The following GSTA4 variants were observed in gnomAD, a reference collection of about 807,000 sequenced individuals.
GSTA4 encodes the protein glutathione S-transferase alpha 4.
GSTA4 carries 15 observed loss-of-function variants against 24.4 expected under a neutral mutation model. That is an observed-to-expected ratio of 0.61 (90% CI 0.41 to 0.95). GSTA4 has a LOEUF of 0.95. Ranked by LOEUF, GSTA4 falls within the 40% of genes least tolerant of loss-of-function variation. The probability of loss-of-function intolerance (pLI) is 0.00; values close to 1 mark genes in which losing one functional copy is unlikely to be tolerated. For missense variants in GSTA4, 244 were observed against 262.1 expected (o/e 0.93, Z 0.48); for synonymous variants, 92 against 94.2 (o/e 0.98, Z 0.13).
At chr6:52,981,161 T>G (rs770482731) in intron 6 of GSTA4, among the ~76,000 whole-genome samples, 19 of 152,244 alleles carry the variant, frequency 1.2e-4, no homozygotes, top group Admixed American at 3.3e-4. Context: ...GGTGGTTTAT[T>G]GCCTTGTTGA....
chr6:52,982,766 T>G lies in GSTA4; in HGVS notation c.415-61A>C. On this transcript the variant is annotated intron_variant, in intron 5 of 6. Transcript: ENST00000370963. ...CACATGGAGAGAGTGATGAGGCTAT[T>G]GAATCAGTGCAGTATCTGAGAAGAG... 4.0e-6 allele frequency: 5 copies of G among 1,263,058 alleles called. No individual in the cohort carries two copies. The South Asian group carries it at 4.9e-5, about 12-fold the overall frequency. The allele number at this position is 1,263,058 out of a possible 1,614,324, so 78.2% of individuals were successfully genotyped here. A position where few individuals can be genotyped will look rare whatever the true frequency, so the allele number is the denominator to read the frequency against.
chr6:52,982,451 C>A, intron 6 of GSTA4, 123 bp downstream of exon 6: 1 of 606,414 alleles, frequency 1.6e-6, no homozygotes, highest in Non-Finnish European at 2.7e-6. Flanking sequence ...ATTTGCCAAA[C>A]TAGAATCTTA....
rs1220952377 is a variant in GSTA4 at position 52,982,664 on chromosome 6, C to G, written c.456G>C (p.Gln152His). ...GHGQSFLVGN[Q>H]LSLADVILLQ... is the part of the protein sequence containing the mutation. ...GTAAAATCACATCTGCAAGGCTCAG[C>G]TGATTACCAACAAGAAAGCTTTGTC... The change falls in exon 6 of 7, where the codon CAG becomes CAC. Residue 152 changes from glutamine to histidine, a missense_variant. Gln to His is a conservative substitution (Grantham distance 24). Coordinates refer to ENST00000370963, the MANE Select transcript of GSTA4 (RefSeq NM_001512.4). 6.2e-7 allele frequency: 1 copy of G among 1,611,726 alleles called. No homozygotes were observed. Among genetic ancestry groups the G allele is most frequent in the Admixed American group, 1.7e-5 (1 of 59,990 alleles).
chr6:52,978,255 A>G lies in GSTA4; in HGVS notation c.*215T>C. On this transcript the variant is annotated 3_prime_UTR_variant, in exon 7 of 7. Transcript: ENST00000370963. Reference sequence around the variant, plus strand: ...TCTAACTTAAATACCAGCCTCTCCAAAAAAGTTTTCCAATAAAGATCCCCT... The same window carrying G: ...TCTAACTTAAATACCAGCCTCTCCAGAAAAGTTTTCCAATAAAGATCCCCT... The G allele has an allele frequency of 2.0e-6, 1 of 509,300 alleles. No individual in the cohort carries two copies. The highest frequency in any genetic ancestry group is 3.4e-6 in the Non-Finnish European group (1 of 293,522). The allele number at this position is 509,300 out of a possible 1,614,324, so 31.5% of individuals were successfully genotyped here.
intron 4 of GSTA4, 51 bp downstream of exon 4, chr6:52,985,400 T>C (rs772593574): frequency 1.3e-6 from 2 of 1,571,070 alleles, no homozygotes. Flanking sequence ...GCTAATCAGC[T>C]AAGGCATCAG....
At chr6:52,983,285 T>C (rs1346425052) in intron 5 of GSTA4, among the ~76,000 whole-genome samples, 1 of 152,192 alleles carries the variant, frequency 6.6e-6, no homozygotes. Context: ...ACTCCCATTC[T>C]GAGGGTAACG....
At chr6:52,981,803 T>C (rs1256927536) in intron 6 of GSTA4, among the ~76,000 whole-genome samples, 1 of 152,144 alleles carries the variant, frequency 6.6e-6, no homozygotes, top group African/African-American at 2.4e-5. Flanking sequence ...CTCAAGTGAA[T>C]ATTGAAGTCA....
chr6:52,979,056 A>G (rs1436722565), intron 6 of GSTA4, among the ~76,000 whole-genome samples: 1 of 152,222 alleles, frequency 6.6e-6, no homozygotes, highest in African/African-American at 2.4e-5. Context: ...AAATGGCAAA[A>G]GTAAAAACAT....
At chr6:52,984,823 C>T (rs1274836689) in intron 4 of GSTA4, among the ~76,000 whole-genome samples, 4 of 152,128 alleles carry the variant, frequency 2.6e-5, no homozygotes, top group Non-Finnish European at 5.9e-5. Flanking sequence ...GCTTGACAGT[C>T]ATGAGTGCTC....
intron 5 of GSTA4, among the ~76,000 whole-genome samples, chr6:52,983,319 T>C (rs1365264470): frequency 2.6e-5 from 4 of 152,208 alleles, no homozygotes; most frequent in African/African-American, 7.2e-5. Flanking sequence ...CTTATAAGAA[T>C]AGATTGTGAT....
At chr6:52,983,585 T>C in intron 5 of GSTA4, among the ~76,000 whole-genome samples, 1 of 152,342 alleles carries the variant, frequency 6.6e-6, no homozygotes, top group South Asian at 2.1e-4. Flanking sequence ...AATCTCTTCA[T>C]GACTTCATTT....
rs185591563 is a variant in GSTA4 at position 52,988,626 on chromosome 6, A to G, written c.88-1218T>C. Among the ~76,000 whole-genome samples the G allele has an allele frequency of 1.4e-3, 218 of 152,296 alleles. 1 individual carries two copies. Among genetic ancestry groups the G allele is most frequent in the African/African-American group, 4.2e-3 (176 of 41,572 alleles). Reference sequence around the variant, plus strand: ...GACTTCTCAAGAGTCGAAGGCATGAAAAAAAAGTCAGGTCCTGTTGATGAA... The same window carrying G: ...GACTTCTCAAGAGTCGAAGGCATGAGAAAAAAGTCAGGTCCTGTTGATGAA... On this transcript the variant is annotated intron_variant, in intron 2 of 6. Coordinates refer to ENST00000370963, the MANE Select transcript of GSTA4 (RefSeq NM_001512.4).
chr6:52,984,434 T>C, intron 5 of GSTA4, 30 bp downstream of exon 5: 1 of 1,589,160 alleles, frequency 6.3e-7, no homozygotes, highest in Non-Finnish European at 8.5e-7. Context: ...GTTTGGTTGC[T>C]CTGTGTATGT....
intron 6 of GSTA4, among the ~76,000 whole-genome samples, chr6:52,982,134 C>T (rs144897783): frequency 6.3e-4 from 96 of 152,300 alleles, no homozygotes; most frequent in African/African-American, 2.3e-3. Context: ...ACCACCTCAT[C>T]TCTATGGTTA....
chr6:52,992,463 T>C (rs1009509460), intron 2 of GSTA4, among the ~76,000 whole-genome samples: 14 of 152,180 alleles, frequency 9.2e-5, no homozygotes, highest in African/African-American at 3.4e-4. Flanking sequence ...CAAGGAAACA[T>C]AGTAACTTTA....
At chr6:52,993,896 C>A (rs1463725177) in intron 2 of GSTA4, 1 of 514,122 alleles carries the variant, frequency 1.9e-6, no homozygotes, top group Non-Finnish European at 3.6e-6. Flanking sequence ...GGTAAATTTC[C>A]TTTCTTCTTA....
intron 2 of GSTA4, among the ~76,000 whole-genome samples, chr6:52,992,100 G>C (rs1407273002): frequency 6.6e-6 from 1 of 151,998 alleles, no homozygotes; most frequent in African/African-American, 2.4e-5. Context: ...TCTAGGGCTA[G>C]GGAAGGGAAA....
chr6:52,991,232 A>G (rs1412706526), intron 2 of GSTA4, among the ~76,000 whole-genome samples: 3 of 152,258 alleles, frequency 2.0e-5, no homozygotes, highest in Non-Finnish European at 4.4e-5. Context: ...CTCTTAGAAG[A>G]GAATCACAGT....
At position 52,994,270 on chromosome 6, in the gene GSTA4, C is replaced by G; in HGVS notation, c.-18-9G>C. ...ATAGCTTTTCAGGCTTTCTGAAATA[C>G]AAATGCAGCAGCTCGTCGCAGACCA... On this transcript the variant is annotated splice_polypyrimidine_tract_variant and intron_variant, in intron 1 of 6. Transcript: ENST00000370963. The G allele has an allele frequency of 6.1e-6, 9 of 1,472,438 alleles. No homozygotes were observed. The highest frequency in any genetic ancestry group is 8.6e-6 in the Non-Finnish European group (9 of 1,051,992). 91.2% of individuals were successfully genotyped at this position (1,472,438 alleles called of 1,614,324 possible). A position where few individuals can be genotyped will look rare whatever the true frequency, so the allele number is the denominator to read the frequency against.
Sources: allele counts gnomAD v4.1 joint callset (sites outside exome capture counted in the v4.1 genomes callset), GRCh38; gene constraint gnomAD v4.1.1; transcripts MANE v1.5; gene names NCBI Gene and HGNC (gene_info 2026-07-23, HGNC 2026-07-21).